The following ABCA5 variants were observed in gnomAD, a reference collection of about 807,000 sequenced individuals.
ABCA5 encodes the protein cholesterol transporter ABCA5.
A neutral mutation model predicts 206.0 loss-of-function variants in ABCA5; 163 were observed. That is an observed-to-expected ratio of 0.79 (90% CI 0.70 to 0.90). The LOEUF is 0.90. Ranked by LOEUF, ABCA5 falls within the 40% of genes least tolerant of loss-of-function variation. The pLI is 0.00. For synonymous variants in ABCA5, 609 were observed against 613.8 expected, an observed-to-expected ratio of 0.99 and a Z score of 0.11; for missense variants, 1,859 against 1,912.9, an observed-to-expected ratio of 0.97 and a Z score of 0.53.
intron 18 of ABCA5, 135 bp downstream of exon 18, chr17:69,283,818 C>CAGTA (rs56193366): frequency 0.99 from 809,810 of 820,326 alleles, 400,541 homozygotes; most frequent in East Asian, 1. Flanking sequence ...CTATCACTAT[C>CAGTA]AGTATCTCAT....
At chr17:69,309,204 T>C (rs2075746699) in intron 4 of ABCA5, 58 bp downstream of exon 4, 1 of 1,372,624 alleles carries the variant, frequency 7.3e-7, no homozygotes, top group Non-Finnish European at 9.7e-7. Context: ...GACTATGAAC[T>C]GCAAGCAGCA....
intron 2 of ABCA5, 26 bp downstream of exon 2, chr17:69,314,288 G>T: frequency 6.8e-7 from 1 of 1,479,652 alleles, no homozygotes; most frequent in Non-Finnish European, 9.4e-7. Flanking sequence ...CTGCAAAAAA[G>T]CATAAGAAAG....
At chr17:69,273,912 C>T (rs760319371) in intron 20 of ABCA5, 47 bp downstream of exon 20, 2 of 1,544,926 alleles carry the variant, frequency 1.3e-6, no homozygotes, top group African/African-American at 2.8e-5. Context: ...CCCCTCAACC[C>T]CATGCTCCAT....
At chr17:69,322,378 A>AAAAG (rs2075872015) in intron 1 of ABCA5, among the ~76,000 whole-genome samples, 1 of 149,482 alleles carries the variant, frequency 6.7e-6, no homozygotes, top group East Asian at 1.9e-4. Context: ...AAAAAAAAAA[A>AAAAG]AAAAAAAAAG....
At chr17:69,256,460 T>C (rs567423190) in intron 28 of ABCA5, among the ~76,000 whole-genome samples, 177 bp from the exon 29 acceptor site, 10 of 150,836 alleles carry the variant, frequency 6.6e-5, no homozygotes, top group Non-Finnish European at 1.2e-4. Flanking sequence ...TTCTTTCTTT[T>C]TTTTTTTTTT....
At chr17:69,309,159 G>T in intron 4 of ABCA5, 103 bp downstream of exon 4, 1 of 905,468 alleles carries the variant, frequency 1.1e-6, no homozygotes, top group Non-Finnish European at 1.6e-6. Flanking sequence ...AGTAAGAATA[G>T]TTGAAAATGC....
Position 69,284,043 on chromosome 17 carries a change from T to C in ABCA5, c.2302A>G (p.Asn768Asp), listed in dbSNP as rs140430746. 3.1e-3 allele frequency: 5,054 copies of C among 1,605,374 alleles called. 142 individuals are homozygous for C. The African/African-American group carries it at 0.057, about 18-fold the overall frequency. The change falls in exon 18 of 39, where the codon AAT becomes GAT. Residue 768 changes from asparagine (N) to aspartate (D), a missense_variant. Asn to Asp is a conservative substitution (Grantham distance 23). Coordinates refer to ENST00000392676, the MANE Select transcript of ABCA5 (RefSeq NM_172232.4). ...GLFSALDSHS[N>D]LGVISYGVSM... The stretch of plus-strand genomic sequence containing the variant: ...ACACCATAAGAAATGACACCCAAAT[T>C]TGAATGACTGTCTAGGGCAGAAAAC...
rs750796074 is a variant in ABCA5, at chr17:69,289,165, A to G, written c.1902+12T>C. 5.0e-6 allele frequency: 8 copies of G among 1,592,740 alleles called. No homozygotes were observed. Among genetic ancestry groups the G allele is most frequent in the Non-Finnish European group, 6.0e-6 (7 of 1,173,548 alleles). On this transcript the variant is annotated intron_variant, in intron 14 of 38. Transcript: ENST00000392676. Reference sequence around the variant, plus strand: ...TAAAATGAGCTCATCTGTAAAAGTAATATTTATTTACCTTTGGGTTCCCAA... The same window carrying G: ...TAAAATGAGCTCATCTGTAAAAGTAGTATTTATTTACCTTTGGGTTCCCAA...
intron 28 of ABCA5, among the ~76,000 whole-genome samples, chr17:69,257,328 T>C (rs990888925): frequency 2.1e-5 from 3 of 140,660 alleles, no homozygotes; most frequent in African/African-American, 8.1e-5. Flanking sequence ...CACTCCAGCC[T>C]GGGTGACAGA....
chr17:69,271,061 T>G, intron 21 of ABCA5, 101 bp downstream of exon 21: 1 of 1,378,564 alleles, frequency 7.3e-7, no homozygotes, highest in South Asian at 1.6e-5. Flanking sequence ...AAATCTAATT[T>G]CTAACTCATA....
intron 7 of ABCA5, chr17:69,304,328 T>A (rs2075693676): frequency 6.2e-6 from 1 of 160,074 alleles, no homozygotes; most frequent in Non-Finnish European, 1.4e-5. Context: ...GGAGCATAAA[T>A]TAACTTGAAA....
In ABCA5 at chr17:69,297,263, A is replaced by G. The variant is rs1383097485; in HGVS notation, c.1364T>C (p.Val455Ala). 2 of 1,613,016 alleles carry G rather than the reference A, an allele frequency of 1.2e-6. No individual in the cohort carries two copies. The highest frequency in any genetic ancestry group is 3.3e-5 in the Admixed American group (2 of 59,912). The change falls in exon 10 of 39, where the codon GTT (valine) becomes GCT (alanine). Residue 455 changes from valine to alanine, a missense_variant. Transcript: ENST00000392676. ...TTCACTAAAACTAATATTTCCATTA[A>G]CATTGCCCTCTGATAACTCCTCATA... Reference protein sequence around the residue: ...RNYEELSEGNVNGNISFSEII... With the variant: ...RNYEELSEGNANGNISFSEII...
intron 11 of ABCA5, among the ~76,000 whole-genome samples, chr17:69,292,625 T>C (rs532762336): frequency 8.1e-4 from 124 of 152,312 alleles, no homozygotes; most frequent in African/African-American, 2.9e-3. Flanking sequence ...AAACAATTAG[T>C]TGTAATTGTT....
chr17:69,279,430 C>G (rs9906638), intron 18 of ABCA5, among the ~76,000 whole-genome samples: 2 of 151,912 alleles, frequency 1.3e-5, no homozygotes, highest in Non-Finnish European at 2.9e-5. Context: ...GTAGGAAGAA[C>G]CAATATCGTG....
chr17:69,313,199 T>C lies in ABCA5; in HGVS notation c.200A>G (p.Asn67Ser), dbSNP rs1346104625. The C allele has an allele frequency of 3.2e-6, 5 of 1,581,904 alleles. No homozygotes were observed. The highest frequency in any genetic ancestry group is 4.3e-6 in the Non-Finnish European group (5 of 1,151,546). ...AGAAAGAGTAAACTTGTCCATAGGA[T>C]TGAGTTCTATATTAGGCACTTCTTC... ...KYEEVPNIELNPMDKFTLSNL... is the reference protein window; with the variant it reads ...KYEEVPNIELSPMDKFTLSNL... The change falls in exon 3 of 39, where the codon AAT becomes AGT. Residue 67 changes from asparagine to serine, a missense_variant. By Grantham distance (46) the Asn-to-Ser change is conservative (BLOSUM62 1). Transcript: ENST00000392676.
At chr17:69,273,365 T>C (rs1390732717) in intron 20 of ABCA5, among the ~76,000 whole-genome samples, 2 of 152,060 alleles carry the variant, frequency 1.3e-5, no homozygotes, top group East Asian at 3.9e-4. Context: ...CATGGACTTA[T>C]CAGCATAAAA....
chr17:69,275,657 G>A (rs1820258814), intron 19 of ABCA5, among the ~76,000 whole-genome samples: 1 of 152,138 alleles, frequency 6.6e-6, no homozygotes, highest in Non-Finnish European at 1.5e-5. Flanking sequence ...TTAATATAGG[G>A]AATATAAGAG....
intron 17 of ABCA5, 44 bp downstream of exon 17, chr17:69,285,854 T>C (rs928308458): frequency 1.2e-5 from 19 of 1,564,156 alleles, no homozygotes; most frequent in Non-Finnish European, 1.6e-5. Context: ...ATTCCCAATA[T>C]AGGATCCCAG....
chr17:69,325,876 G>C (rs2075893990), intron 1 of ABCA5: 1 of 151,652 alleles, frequency 6.6e-6, no homozygotes, highest in Non-Finnish European at 1.5e-5. Context: ...TGCTCTTATA[G>C]TGAATGTAAG....
Sources: allele counts gnomAD v4.1 joint callset (sites outside exome capture counted in the v4.1 genomes callset), GRCh38; gene constraint gnomAD v4.1.1; transcripts MANE v1.5; gene names NCBI Gene and HGNC (gene_info 2026-07-23, HGNC 2026-07-21).